Variants in TMEM232 observed in about 807,000 individuals in gnomAD.
TMEM232 encodes the protein transmembrane protein 232.
TMEM232 carries 80 observed loss-of-function variants against 78.8 expected under a neutral mutation model. That is an observed-to-expected ratio of 1.01 (90% CI 0.85 to 1.22). The LOEUF (loss-of-function observed/expected upper bound fraction) is 1.22, where lower values mean the gene tolerates loss of function less well. Ranked by LOEUF, TMEM232 falls within the 50% of genes most tolerant of loss-of-function variation. The probability of loss-of-function intolerance (pLI) is 0.00; values close to 1 mark genes in which losing one functional copy is unlikely to be tolerated. For synonymous variants in TMEM232, 297 were observed against 254.3 expected (o/e 1.17, Z -1.60); for missense variants, 881 against 742.2 (o/e 1.19, Z -2.17).
intron 10 of TMEM232, among the ~76,000 whole-genome samples, chr5:110,598,277 C>T (rs1433520612): frequency 2.6e-5 from 4 of 152,110 alleles, no homozygotes; most frequent in African/African-American, 9.7e-5. Context: ...TCATCACTGG[C>T]CATCAGAGAA....
intron 1 of TMEM232, among the ~76,000 whole-genome samples, chr5:110,721,104 G>C (rs114674374): frequency 0.012 from 1,793 of 152,072 alleles, 31 homozygotes; most frequent in African/African-American, 0.041. Context: ...GTTATTCCCG[G>C]TAAAGTTATA....
chr5:110,396,696 A>C (rs73782451), intron 3 of TMEM232, among the ~76,000 whole-genome samples: 5,491 of 152,246 alleles, frequency 0.036, 353 homozygotes, highest in African/African-American at 0.13. Context: ...CAGGCTACAA[A>C]TTTGCAGTGC....
chr5:110,437,848 T>G (rs141333988), intron 12 of TMEM232, among the ~76,000 whole-genome samples: 94 of 152,252 alleles, frequency 6.2e-4, no homozygotes, highest in African/African-American at 2.2e-3. Flanking sequence ...AGGCTGGCCA[T>G]ATATTGGGCT....
At chr5:110,641,634 C>T (rs1295259612) in intron 3 of TMEM232, among the ~76,000 whole-genome samples, 1 of 152,038 alleles carries the variant, frequency 6.6e-6, no homozygotes, top group Non-Finnish European at 1.5e-5. Context: ...AAAATAACAC[C>T]ACTACAACAC....
intron 8 of TMEM232, among the ~76,000 whole-genome samples, chr5:110,609,585 T>C (rs980714891): frequency 1.3e-5 from 2 of 151,970 alleles, no homozygotes; most frequent in African/African-American, 4.8e-5. Flanking sequence ...ACAGTGTCTA[T>C]AGGCATGTGG....
At chr5:110,719,206 T>A (rs181267392) in intron 1 of TMEM232, among the ~76,000 whole-genome samples, 3 of 151,958 alleles carry the variant, frequency 2.0e-5, no homozygotes, top group Admixed American at 6.6e-5. Flanking sequence ...TGTATATATA[T>A]GTGTATATAT....
chr5:110,588,029 C>T (rs963700521), intron 10 of TMEM232, among the ~76,000 whole-genome samples: 1 of 151,628 alleles, frequency 6.6e-6, no homozygotes, highest in Admixed American at 6.6e-5. Context: ...TCTTGAATAA[C>T]CTTCACCAAG....
chr5:110,654,051 T>A (rs1788694886), intron 2 of TMEM232, among the ~76,000 whole-genome samples: 2 of 152,070 alleles, frequency 1.3e-5, no homozygotes, highest in Admixed American at 1.3e-4. Flanking sequence ...GAGAGGAGAT[T>A]CAGGAAAGTA....
chr5:110,546,220 G>A lies in TMEM232; in HGVS notation c.1456-17385C>T, dbSNP rs150599679. On this transcript the variant is annotated intron_variant, in intron 11 of 13. Transcript: ENST00000455884. Reference sequence around the variant, plus strand: ...TGTTATCATGGATAAAAAAACATATGAGATGAGAGTAGATAATGTAAAGAA... The same window carrying A: ...TGTTATCATGGATAAAAAAACATATAAGATGAGAGTAGATAATGTAAAGAA... 2.6e-5 allele frequency among the ~76,000 whole-genome samples: 4 copies of A among 152,130 alleles called. No homozygotes were observed. The East Asian group carries it at 7.7e-4, about 29-fold the overall frequency.
intron 5 of TMEM232, among the ~76,000 whole-genome samples, chr5:110,635,334 C>A (rs190154725): frequency 1.3e-3 from 195 of 151,964 alleles, no homozygotes; most frequent in Admixed American, 4.1e-3. Flanking sequence ...AACACATTTC[C>A]CAAGGCCAGC....
intron 1 of TMEM232, among the ~76,000 whole-genome samples, chr5:110,706,676 C>T (rs1349820771): frequency 6.6e-6 from 1 of 152,140 alleles, no homozygotes; most frequent in Non-Finnish European, 1.5e-5. Context: ...TTCCACCCAG[C>T]TCCTCAAGGC....
Position 110,398,317 on chromosome 5 carries a change from T to C in TMEM232, n.309-463A>G, listed in dbSNP as rs529842749. Among the ~76,000 whole-genome samples the C allele has an allele frequency of 3.3e-5, 5 of 152,188 alleles. No homozygotes were observed. In the South Asian group the frequency reaches 1.0e-3, roughly 32 times the overall value. ...AACCTCTACAAAAGAAAAACCAAGG[T>C]ATTAAATGGTTGGTAGTTTTCATTT... On this transcript the variant is annotated intron_variant and non_coding_transcript_variant, in intron 2 of 8. Transcript: ENST00000507188.
intron 5 of TMEM232, among the ~76,000 whole-genome samples, chr5:110,634,436 C>A (rs1269618992): frequency 1.3e-5 from 2 of 152,046 alleles, no homozygotes; most frequent in Non-Finnish European, 2.9e-5. Context: ...CAGGTTAGAT[C>A]ATATGCTAGG....
chr5:110,711,062 T>A (rs1487939297), intron 1 of TMEM232, among the ~76,000 whole-genome samples: 1 of 152,158 alleles, frequency 6.6e-6, no homozygotes. Flanking sequence ...ACAAATTCAG[T>A]AAAGTTGCAG....
intron 10 of TMEM232, among the ~76,000 whole-genome samples, chr5:110,587,207 C>T (rs545080113): frequency 3.9e-5 from 6 of 151,932 alleles, no homozygotes; most frequent in Admixed American, 6.6e-5. Flanking sequence ...TATACATATA[C>T]ACCCAGAGAC....
chr5:110,520,250 C>T lies in TMEM232; in HGVS notation c.1703+8338G>A, dbSNP rs537165159. 6.1e-4 allele frequency among the ~76,000 whole-genome samples: 92 copies of T among 151,990 alleles called. 1 individual carries two copies. The South Asian group carries it at 0.018, about 31-fold the overall frequency. ...TGATTTGATCATTACATATTGTATG[C>T]TTGTTTTAAAATATCACACATACTC... On this transcript the variant is annotated intron_variant, in intron 12 of 13. Coordinates refer to ENST00000455884, the MANE Select transcript of TMEM232 (RefSeq NM_001039763.4).
At chr5:110,589,002 C>T (rs1042844200) in intron 10 of TMEM232, among the ~76,000 whole-genome samples, 1 of 152,070 alleles carries the variant, frequency 6.6e-6, no homozygotes, top group African/African-American at 2.4e-5. Flanking sequence ...CCAGATAATG[C>T]AGGCTTTTAA....
chr5:110,677,040 C>T (rs1341608663), intron 1 of TMEM232, among the ~76,000 whole-genome samples: 5 of 152,006 alleles, frequency 3.3e-5, no homozygotes, highest in Non-Finnish European at 7.4e-5. Context: ...GGATTACAGG[C>T]GTGAGCCACC....
intron 1 of TMEM232, among the ~76,000 whole-genome samples, chr5:110,672,154 G>C (rs1384805787): frequency 2.6e-5 from 4 of 152,090 alleles, no homozygotes; most frequent in Non-Finnish European, 5.9e-5. Flanking sequence ...CACAGAGTTG[G>C]CTATAATTAG....
Sources: gnomAD v4.1 joint callset for allele counts (sites outside exome capture counted in the v4.1 genomes callset) on GRCh38, gnomAD v4.1.1 for gene constraint, MANE v1.5 for transcripts, NCBI Gene and HGNC (gene_info 2026-07-23, HGNC 2026-07-21) for gene names.